The following INSC variants were observed in gnomAD, a reference collection of about 807,000 sequenced individuals.
INSC encodes protein inscuteable homolog.
Under a neutral mutation model 58.6 loss-of-function variants are expected in INSC, and 67 were observed. The ratio of observed to expected loss-of-function variants is 1.14; its 90% CI spans 0.94 to 1.40. The LOEUF is 1.40. INSC is among the 40% of genes most tolerant of loss of function. The probability of loss-of-function intolerance (pLI) is 0.00; values close to 1 mark genes in which losing one functional copy is unlikely to be tolerated. For synonymous variants in INSC, 262 were observed against 276.1 expected, an observed-to-expected ratio of 0.95 and a Z score of 0.51; for missense variants, 714 against 692.0, an observed-to-expected ratio of 1.03 and a Z score of -0.36.
rs1852584491 is a variant in INSC at position 15,246,909 on chromosome 11, A to C, written c.*869A>C. 1 of 152,126 alleles carries C rather than the reference A, an allele frequency of 6.6e-6. No homozygotes were observed. The highest frequency in any genetic ancestry group is 2.1e-4 in the South Asian group (1 of 4,828). The allele number at this position is 152,126 out of a possible 1,614,324, so 9.4% of individuals were successfully genotyped here. On this transcript the variant is annotated 3_prime_UTR_variant, in exon 13 of 13. Coordinates refer to ENST00000379556, the MANE Select transcript of INSC (RefSeq NM_001042536.3). ...TGTGAGAATTTCTTCCTAACTCTGCACTCAGTGACCTTGCGTTGGTAGCCA... is the reference window on the plus strand; with the variant it reads ...TGTGAGAATTTCTTCCTAACTCTGCCCTCAGTGACCTTGCGTTGGTAGCCA...
intron 1 of INSC, among the ~76,000 whole-genome samples, chr11:15,129,414 C>T (rs190832612): frequency 1.2e-4 from 19 of 152,180 alleles, no homozygotes; most frequent in Non-Finnish European, 2.5e-4. Flanking sequence ...TTGTCAAGTT[C>T]TAGAAAAAAA....
chr11:15,242,955 C>T (rs1382957917), intron 12 of INSC, among the ~76,000 whole-genome samples: 1 of 152,200 alleles, frequency 6.6e-6, no homozygotes, highest in Non-Finnish European at 1.5e-5. Flanking sequence ...CTCTTTCTCT[C>T]CCACTCTCTT....
At chr11:15,121,777 C>G (rs1228704053) in intron 1 of INSC, among the ~76,000 whole-genome samples, 1 of 152,162 alleles carries the variant, frequency 6.6e-6, no homozygotes, top group African/African-American at 2.4e-5. Context: ...ACTAGGGTCT[C>G]ATGAATTCTT....
chr11:15,193,714 C>A (rs1027430828), intron 6 of INSC, among the ~76,000 whole-genome samples: 5 of 152,152 alleles, frequency 3.3e-5, no homozygotes, highest in Non-Finnish European at 1.5e-5. Flanking sequence ...GGGTTGGTTC[C>A]AAGTCTTTGC....
Position 15,225,816 on chromosome 11 carries a change from C to G in INSC, c.1158C>G (p.Tyr386Ter), listed in dbSNP as rs749120912. The G allele has an allele frequency of 6.2e-7, 1 of 1,612,586 alleles. No homozygotes were observed. ...ACAAGCAGAGAGTGGACACGCCTTA[C>G]ACTCGGGACCAGGTAAGACGCCCAG... ...CSDKQRVDTPYTRDQIVTILA... is the reference protein window; with the variant it reads ...CSDKQRVDTP Residue 386 changes from tyrosine to a stop codon, truncating the protein, a stop_gained, in exon 9 of 13, where the codon TAC becomes TAG. Transcript: ENST00000379556. LOFTEE classifies it high-confidence loss of function.
rs145891312 is a variant in INSC at position 15,236,252 on chromosome 11, C to T, written c.1237+584C>T. Among the ~76,000 whole-genome samples the T allele has an allele frequency of 7.1e-4, 106 of 148,420 alleles. 1 individual carries two copies. The highest frequency in any genetic ancestry group is 2.4e-3 in the African/African-American group (96 of 39,864). On this transcript the variant is annotated intron_variant, in intron 10 of 12. Transcript: ENST00000379556. ...CAGCAATAATAGCGTGACAGTGCCC[C>T]GGGGAAAATGAAGCAGGGAAGAAGA...
chr11:15,254,529 T>G, the INSC span, among the ~76,000 whole-genome samples: 1 of 152,166 alleles, frequency 6.6e-6, no homozygotes, highest in Admixed American at 6.5e-5. Context: ...CTATATAATC[T>G]TGGGCAAGAC....
downstream of INSC, among the ~76,000 whole-genome samples, chr11:15,249,829 T>C (rs1331500266): frequency 6.6e-6 from 1 of 152,224 alleles, no homozygotes; most frequent in African/African-American, 2.4e-5. Flanking sequence ...ACAACTACTA[T>C]ACTGGGCAGG....
chr11:15,237,646 A>C (rs938567638), intron 10 of INSC, among the ~76,000 whole-genome samples: 2 of 152,222 alleles, frequency 1.3e-5, no homozygotes, highest in African/African-American at 4.8e-5. Context: ...GGACAGGGCA[A>C]ATCTTGTTGT....
In INSC at chr11:15,238,993, C is replaced by T. The variant is rs747025635; in HGVS notation, c.1312C>T (p.Arg438Ter). Residue 438 changes from arginine to a stop codon, truncating the protein, a stop_gained, in exon 11 of 13, where the codon CGA becomes TGA. Transcript: ENST00000379556. LOFTEE classifies it high-confidence loss of function. ...TCCTGCTGAAGTGGCAGCCTGTGAGCGAGTCCAGCAGAAAGCTGCAGTGAC... is the reference window on the plus strand; with the variant it reads ...TCCTGCTGAAGTGGCAGCCTGTGAGTGAGTCCAGCAGAAAGCTGCAGTGAC... ...GTPAEVAACE[R>*]VQQKAAVTLA... is the part of the protein sequence containing the mutation. The T allele has an allele frequency of 6.3e-5, 101 of 1,614,050 alleles. No homozygotes were observed. In the East Asian group the frequency reaches 1.7e-3, roughly 27 times the overall value.
intron 1 of INSC, among the ~76,000 whole-genome samples, chr11:15,145,763 G>A (rs995554314): frequency 6.6e-6 from 1 of 152,204 alleles, no homozygotes; most frequent in African/African-American, 2.4e-5. Context: ...TGAGGGCTGT[G>A]TCACTGAGGG....
At chr11:15,177,849 G>A (rs1849626563) in intron 4 of INSC, among the ~76,000 whole-genome samples, 1 of 152,110 alleles carries the variant, frequency 6.6e-6, no homozygotes, top group Non-Finnish European at 1.5e-5. Flanking sequence ...TGTTTTTCTT[G>A]TCTGGGAAGA....
intron 5 of INSC, among the ~76,000 whole-genome samples, chr11:15,183,827 AT>A (rs1213941359): frequency 1.3e-5 from 2 of 152,206 alleles, no homozygotes; most frequent in African/African-American, 4.8e-5. Context: ...CAGGTTTTAC[AT>A]TTTTAAAAAA....
chr11:15,243,344 C>A (rs72857795), intron 12 of INSC, among the ~76,000 whole-genome samples: 12,453 of 152,218 alleles, frequency 0.082, 564 homozygotes, highest in African/African-American at 0.11. Flanking sequence ...TATTGTCTCC[C>A]CTGTCTGGGA....
chr11:15,202,220 A>C lies in INSC; in HGVS notation c.819+1271A>C, dbSNP rs756839208. ...CACCGGGTTGGAAGTCTTCATATCT[A>C]GTTGCTATGAGCACTAGATTTGGAG... On this transcript the variant is annotated intron_variant, in intron 7 of 12. Coordinates refer to ENST00000379556, the MANE Select transcript of INSC (RefSeq NM_001042536.3). 2.1e-4 allele frequency among the ~76,000 whole-genome samples: 32 copies of C among 152,238 alleles called. No homozygotes were observed. In the South Asian group the frequency reaches 3.1e-3, roughly 15 times the overall value.
chr11:15,256,038 C>T, the INSC span, among the ~76,000 whole-genome samples: 1 of 152,158 alleles, frequency 6.6e-6, no homozygotes, highest in Non-Finnish European at 1.5e-5. Context: ...AAAATAGACC[C>T]AGTTCTCACT....
At chr11:15,229,048 CAG>C (rs1206828176) in intron 9 of INSC, among the ~76,000 whole-genome samples, 2 of 152,070 alleles carry the variant, frequency 1.3e-5, no homozygotes, top group Non-Finnish European at 2.9e-5. Flanking sequence ...ACAGATCTGA[CAG>C]GGGGAGGTAG....
At chr11:15,238,638 T>A (rs1169023097) in intron 10 of INSC, among the ~76,000 whole-genome samples, 1 of 152,178 alleles carries the variant, frequency 6.6e-6, no homozygotes, top group African/African-American at 2.4e-5. Flanking sequence ...TTACTATGCA[T>A]TTAGCACAGT....
At chr11:15,208,577 G>T (rs1050962824) in intron 7 of INSC, among the ~76,000 whole-genome samples, 1 of 152,214 alleles carries the variant, frequency 6.6e-6, no homozygotes, top group Admixed American at 6.5e-5. Flanking sequence ...TAGCCACACT[G>T]CCCCACCTGC....
Sources: allele counts gnomAD v4.1 joint callset (sites outside exome capture counted in the v4.1 genomes callset), GRCh38; gene constraint gnomAD v4.1.1; transcripts MANE v1.5; gene names NCBI Gene and HGNC (gene_info 2026-07-23, HGNC 2026-07-21).